The following STAG2 variants were observed in gnomAD, a reference collection of about 807,000 sequenced individuals.
STAG2 encodes the protein cohesin subunit SA-2.
In STAG2, 14 loss-of-function variants were observed where a neutral mutation model predicts 108.1. The observed-to-expected ratio is 0.13, with a 90% CI of 0.09 to 0.20. STAG2 has a LOEUF of 0.20. Ranked by LOEUF, STAG2 falls within the 10% of genes least tolerant of loss-of-function variation. The pLI is 1.00. For missense variants in STAG2, 440 were observed against 940.9 expected, an observed-to-expected ratio of 0.47 and a Z score of 6.96; for synonymous variants, 307 against 302.7, an observed-to-expected ratio of 1.01 and a Z score of -0.15.
At chrX:124,063,783 C>A in intron 19 of STAG2, 65 bp from the exon 20 acceptor site, 1 of 1,005,575 alleles carries the variant, frequency 9.9e-7, no homozygotes, top group South Asian at 2.1e-5. Context: ...GTGGTATGGT[C>A]ATGTAGTCAC....
At chrX:123,967,746 C>T (rs2054172812) in intron 1 of STAG2, among the ~76,000 whole-genome samples, 1 of 111,170 alleles carries the variant, frequency 9.0e-6, no homozygotes, top group Non-Finnish European at 1.9e-5. Flanking sequence ...GGCTACAATC[C>T]TGTACAGCAT....
chrX:124,034,872 G>GTTATTA (rs1280381690), intron 5 of STAG2, among the ~76,000 whole-genome samples: 2 of 85,663 alleles, frequency 2.3e-5, no homozygotes, highest in African/African-American at 7.7e-5. Flanking sequence ...TGTTGTTGTT[G>GTTATTA]TTGTTGTTAT....
chrX:123,976,809 A>G (rs759053715), intron 1 of STAG2, among the ~76,000 whole-genome samples: 5 of 112,096 alleles, frequency 4.5e-5, no homozygotes, highest in Non-Finnish European at 9.4e-5. Context: ...TAAGTGGCCA[A>G]GCTTACTTTT....
At chrX:124,070,411 T>C (rs2058636273) in intron 24 of STAG2, among the ~76,000 whole-genome samples, 1 of 111,936 alleles carries the variant, frequency 8.9e-6, no homozygotes, top group Non-Finnish European at 1.9e-5. Context: ...TTCCTTTAAA[T>C]GTATTTTCTG....
At chrX:124,058,928 C>A (rs2058297665) in intron 15 of STAG2, among the ~76,000 whole-genome samples, 1 of 112,048 alleles carries the variant, frequency 8.9e-6, no homozygotes, top group Admixed American at 9.4e-5. Context: ...ATTACACCAT[C>A]AGGTCATTTG....
chrX:123,969,952 GTTTTTTTTTTTT>G (rs749744551), intron 1 of STAG2, among the ~76,000 whole-genome samples: 3 of 39,157 alleles, frequency 7.7e-5, no homozygotes, highest in Non-Finnish European at 1.3e-4. Flanking sequence ...CGGTCTTCCT[GTTTTTTTTTTTT>G]TTTTTTTTTT....
chrX:123,964,960 CT>C (rs33913146), intron 1 of STAG2, among the ~76,000 whole-genome samples: 122 of 80,110 alleles, frequency 1.5e-3, no homozygotes, highest in South Asian at 3.6e-3. Flanking sequence ...AGGTAAGTGC[CT>C]TTTTTTTTTT....
intron 8 of STAG2, among the ~76,000 whole-genome samples, chrX:124,045,778 G>GT (rs1168624952): frequency 1.8e-5 from 2 of 110,931 alleles, no homozygotes; most frequent in Non-Finnish European, 3.8e-5. Flanking sequence ...TGAAAGATAT[G>GT]TTACCAGGGA....
intron 8 of STAG2, among the ~76,000 whole-genome samples, chrX:124,046,602 G>A (rs755445870): frequency 8.4e-4 from 94 of 111,953 alleles, no homozygotes; most frequent in Non-Finnish European, 1.4e-3. Context: ...AAGTAGTCTG[G>A]AGTAAGCTAA....
chrX:124,038,018 T>TAAGC (rs775496583), intron 6 of STAG2, among the ~76,000 whole-genome samples: 6 of 111,741 alleles, frequency 5.4e-5, no homozygotes, highest in Non-Finnish European at 1.1e-4. Context: ...TAACAGTAAG[T>TAAGC]AAGCAAGCAA....
chrX:124,009,241 A>G (rs912683043), intron 1 of STAG2, among the ~76,000 whole-genome samples: 4 of 110,549 alleles, frequency 3.6e-5, no homozygotes, highest in Non-Finnish European at 7.5e-5. Context: ...TCTTTTGGTC[A>G]TAGTTCTAGG....
intron 1 of STAG2, among the ~76,000 whole-genome samples, chrX:123,989,767 G>T (rs2055360609): frequency 9.2e-6 from 1 of 108,621 alleles, no homozygotes; most frequent in South Asian, 3.9e-4. Context: ...CCATGCCTGG[G>T]TAATTTTTGT....
chrX:124,015,361 C>CA (rs2056680627), intron 1 of STAG2, among the ~76,000 whole-genome samples: 1 of 106,789 alleles, frequency 9.4e-6, no homozygotes, highest in Non-Finnish European at 1.9e-5. Flanking sequence ...AGAGGGAGGA[C>CA]AAATATCTTT....
intron 1 of STAG2, among the ~76,000 whole-genome samples, chrX:124,006,925 A>G: frequency 8.9e-6 from 1 of 111,767 alleles, no homozygotes; most frequent in East Asian, 2.8e-4. Context: ...CCTATAGTAT[A>G]AAGAAAATAA....
At chrX:124,089,799 A>G (rs1287823113) in intron 30 of STAG2, among the ~76,000 whole-genome samples, 1 of 110,640 alleles carries the variant, frequency 9.0e-6, no homozygotes, top group Non-Finnish European at 1.9e-5. Context: ...ATGCCCCAGG[A>G]GTAGCAAACT....
chrX:124,093,694 C>T lies in STAG2; in HGVS notation c.3579-324C>T, dbSNP rs771345282. 5.5e-5 allele frequency among the ~76,000 whole-genome samples: 6 copies of T among 109,555 alleles called. No homozygotes were observed. In the South Asian group the frequency reaches 2.3e-3, roughly 42 times the overall value. ...TTTATGTTTGTTTATTAATTTGTAC[C>T]CTGCCTACTTTCAAAAAGGATTTGA... On this transcript the variant is annotated intron_variant, in intron 32 of 34. Coordinates refer to ENST00000371145, the MANE Select transcript of STAG2 (RefSeq NM_001042750.2).
intron 29 of STAG2, among the ~76,000 whole-genome samples, chrX:124,084,254 T>C (rs2059038700): frequency 9.0e-6 from 1 of 111,579 alleles, no homozygotes; most frequent in Admixed American, 9.6e-5. Context: ...GCAAAACTAA[T>C]GTATGGTGAT....
At chrX:123,962,767 T>G (rs1274152748) in intron 1 of STAG2, among the ~76,000 whole-genome samples, 1 of 111,480 alleles carries the variant, frequency 9.0e-6, no homozygotes, top group Non-Finnish European at 1.9e-5. Flanking sequence ...TTGCAATGGT[T>G]CCTTAAAATG....
At chrX:124,044,120 A>C (rs2057803503) in intron 7 of STAG2, among the ~76,000 whole-genome samples, 1 of 111,101 alleles carries the variant, frequency 9.0e-6, no homozygotes, top group Non-Finnish European at 1.9e-5. Flanking sequence ...TCACTCCCCA[A>C]GTAGTTGAGA....
Sources: gnomAD v4.1 joint callset for allele counts (sites outside exome capture counted in the v4.1 genomes callset) on GRCh38, gnomAD v4.1.1 for gene constraint, MANE v1.5 for transcripts, NCBI Gene and HGNC (gene_info 2026-07-23, HGNC 2026-07-21) for gene names.